The following THEM4 variants were observed in gnomAD, a reference collection of about 807,000 sequenced individuals.
THEM4 encodes acyl-coenzyme A thioesterase THEM4.
A neutral mutation model predicts 25.0 loss-of-function variants in THEM4; 22 were observed. The observed-to-expected ratio is 0.88, with a 90% CI of 0.63 to 1.26. The LOEUF (loss-of-function observed/expected upper bound fraction) is 1.26. THEM4 is among the 50% of genes most tolerant of loss of function. The probability of loss-of-function intolerance (pLI) is 0.00; values close to 1 mark genes in which losing one functional copy is unlikely to be tolerated. For missense variants in THEM4, 286 were observed against 300.3 expected, an observed-to-expected ratio of 0.95 and a Z score of 0.35; for synonymous variants, 113 against 105.6, an observed-to-expected ratio of 1.07 and a Z score of -0.43.
intron 4 of THEM4, among the ~76,000 whole-genome samples, chr1:151,881,115 C>G (rs1429404573): frequency 6.6e-6 from 1 of 152,018 alleles, no homozygotes; most frequent in African/African-American, 2.4e-5. Context: ...TATTGTTATC[C>G]AGTATTTTAG....
intron 1 of THEM4, 147 bp from the exon 2 acceptor site, chr1:151,895,341 CT>C: frequency 1.4e-6 from 1 of 696,818 alleles, no homozygotes; most frequent in Non-Finnish European, 2.4e-6. Context: ...CAGGGATCAT[CT>C]GGTCCAACCT....
At chr1:151,904,999 A>T (rs1654425846) in intron 1 of THEM4, among the ~76,000 whole-genome samples, 1 of 152,234 alleles carries the variant, frequency 6.6e-6, no homozygotes, top group African/African-American at 2.4e-5. Flanking sequence ...ACTAAGAGAT[A>T]CCTGAAGTAA....
chr1:151,902,132 G>C (rs1415686137), intron 1 of THEM4, among the ~76,000 whole-genome samples: 1 of 152,222 alleles, frequency 6.6e-6, no homozygotes, highest in East Asian at 1.9e-4. Flanking sequence ...AAAAACAGTA[G>C]ATGTTGCTGT....
chr1:151,904,523 T>G (rs1033798367), intron 1 of THEM4, among the ~76,000 whole-genome samples: 6 of 152,156 alleles, frequency 3.9e-5, no homozygotes, highest in African/African-American at 1.4e-4. Context: ...ATGAGGAGAC[T>G]TAAGGAGTTT....
At chr1:151,909,291 A>G in intron 1 of THEM4, 69 bp downstream of exon 1, 1 of 1,308,204 alleles carries the variant, frequency 7.6e-7, no homozygotes, top group Non-Finnish European at 1.0e-6. Flanking sequence ...TAACAATCGA[A>G]GGCTCTGTTA....
intron 1 of THEM4, among the ~76,000 whole-genome samples, chr1:151,899,766 G>T (rs1016873651): frequency 6.6e-6 from 1 of 152,158 alleles, no homozygotes; most frequent in Non-Finnish European, 1.5e-5. Context: ...CCCTGGTCTT[G>T]CTAGAGATCT....
intron 1 of THEM4, among the ~76,000 whole-genome samples, chr1:151,895,774 C>G (rs1654209067): frequency 6.6e-6 from 1 of 151,920 alleles, no homozygotes; most frequent in Non-Finnish European, 1.5e-5. Flanking sequence ...GAGGTGGGCC[C>G]TGGTGGGAGG....
At chr1:151,902,758 C>T (rs550940022) in intron 1 of THEM4, among the ~76,000 whole-genome samples, 1 of 152,094 alleles carries the variant, frequency 6.6e-6, no homozygotes, top group African/African-American at 2.4e-5. Flanking sequence ...GGTGCCAAGG[C>T]GGGTGGATCA....
chr1:151,909,473 G>C lies in THEM4; in HGVS notation c.-15C>G. 2 of 1,376,566 alleles carry C rather than the reference G, an allele frequency of 1.5e-6. No individual in the cohort carries two copies. Among genetic ancestry groups the C allele is most frequent in the Non-Finnish European group, 1.9e-6 (2 of 1,073,692 alleles). 85.3% of individuals were successfully genotyped at this position (1,376,566 alleles called of 1,614,324 possible). A position where few individuals can be genotyped will look rare whatever the true frequency, so the allele number is the denominator to read the frequency against. ...CTCCTCAGCATGGCTCCGGGCCGCG[G>C]GGCCGCGCTTGCTCTAGCCCTGGAC... On this transcript the variant is annotated 5_prime_UTR_variant, in exon 1 of 6. Coordinates refer to ENST00000368814, the MANE Select transcript of THEM4 (RefSeq NM_053055.5).
In THEM4 at chr1:151,905,849, C is replaced by T. The variant is rs531122400; in HGVS notation, c.99+3511G>A. On this transcript the variant is annotated intron_variant, in intron 1 of 5. Transcript: ENST00000368814. ...GACATGCCTGAGTAGGCCTAGGCTG[C>T]GGCCGTCTGGGCACCATAGTGAAGA... is the stretch of plus-strand genomic sequence containing the variant. Among the ~76,000 whole-genome samples the T allele has an allele frequency of 1.2e-4, 19 of 152,338 alleles. No individual in the cohort carries two copies. The South Asian group carries it at 2.1e-3, about 17-fold the overall frequency.
At chr1:151,907,310 A>G (rs1012935374) in intron 1 of THEM4, among the ~76,000 whole-genome samples, 6 of 152,182 alleles carry the variant, frequency 3.9e-5, no homozygotes, top group African/African-American at 9.6e-5. Flanking sequence ...TTTAAGAACT[A>G]TAACACTCAC....
In THEM4 at chr1:151,874,155, A is replaced by C. The variant is rs546534084; in HGVS notation, c.*733T>G. 4 of 152,408 alleles carry C rather than the reference A, an allele frequency of 2.6e-5. No individual in the cohort carries two copies. The East Asian group carries it at 5.8e-4, about 22-fold the overall frequency. 9.4% of individuals were successfully genotyped at this position (152,408 alleles called of 1,614,324 possible). Reference sequence around the variant, plus strand: ...CTGTGCTTCCTACACTGACCAAAAAAGATTCATGTGTTCAGATACAACAAA... The same window carrying C: ...CTGTGCTTCCTACACTGACCAAAAACGATTCATGTGTTCAGATACAACAAA... On this transcript the variant is annotated 3_prime_UTR_variant, in exon 6 of 6. Transcript: ENST00000368814.
intron 1 of THEM4, among the ~76,000 whole-genome samples, chr1:151,898,434 T>TC (rs1654272851): frequency 6.6e-6 from 1 of 151,802 alleles, no homozygotes; most frequent in South Asian, 2.1e-4. Flanking sequence ...TGCAGCAAGA[T>TC]CCCCCCAAGG....
rs1489050395 is a variant in THEM4 at position 151,871,290 on chromosome 1, A to AT, written c.*3597dup. On this transcript the variant is annotated 3_prime_UTR_variant, in exon 6 of 6. Coordinates refer to ENST00000368814, the MANE Select transcript of THEM4 (RefSeq NM_053055.5). ...CATTGAGCTGAGATTGTGTCTCTGCATTCCAGCCCAGGCGACAGAGCCAGA... is the reference window on the plus strand; with the variant it reads ...CATTGAGCTGAGATTGTGTCTCTGCATTTCCAGCCCAGGCGACAGAGCCAGA... Among the ~76,000 whole-genome samples, 2 of 148,348 alleles carry AT rather than the reference A, an allele frequency of 1.3e-5. No individual in the cohort carries two copies. Among genetic ancestry groups the AT allele is most frequent in the Non-Finnish European group, 3.0e-5 (2 of 67,546 alleles).
chr1:151,900,297 CAA>C (rs1654324182), intron 1 of THEM4, among the ~76,000 whole-genome samples: 1 of 152,078 alleles, frequency 6.6e-6, no homozygotes, highest in Non-Finnish European at 1.5e-5. Flanking sequence ...ACACAGGCAA[CAA>C]AGAGTACAAT....
At chr1:151,893,072 G>A (rs566856570) in intron 2 of THEM4, among the ~76,000 whole-genome samples, 1 of 152,230 alleles carries the variant, frequency 6.6e-6, no homozygotes, top group Admixed American at 6.5e-5. Context: ...CTGTTTTGAG[G>A]GAGTGGGTTC....
intron 1 of THEM4, among the ~76,000 whole-genome samples, chr1:151,908,988 A>G (rs1322761769): frequency 3.3e-5 from 5 of 152,256 alleles, no homozygotes; most frequent in African/African-American, 1.2e-4. Flanking sequence ...GGAAGATAAA[A>G]GCTGTGGTAT....
chr1:151,894,592 G>T (rs1041492624), intron 2 of THEM4, among the ~76,000 whole-genome samples: 2 of 152,174 alleles, frequency 1.3e-5, no homozygotes, highest in Non-Finnish European at 2.9e-5. Context: ...TGGGTGTTGG[G>T]TGGGTTGCCC....
intron 2 of THEM4, among the ~76,000 whole-genome samples, chr1:151,891,662 A>G (rs1654095326): frequency 6.6e-6 from 1 of 152,212 alleles, no homozygotes; most frequent in Non-Finnish European, 1.5e-5. Context: ...GTTTAAATGT[A>G]TGCATTTGGA....
Sources: allele counts gnomAD v4.1 joint callset (sites outside exome capture counted in the v4.1 genomes callset), GRCh38; gene constraint gnomAD v4.1.1; transcripts MANE v1.5; gene names NCBI Gene and HGNC (gene_info 2026-07-23, HGNC 2026-07-21).